Variants in FAM221B observed in about 807,000 individuals in gnomAD.
FAM221B encodes protein FAM221B.
Under a neutral mutation model 39.8 loss-of-function variants are expected in FAM221B, and 35 were observed. The ratio of observed to expected loss-of-function variants is 0.88; its 90% CI spans 0.67 to 1.17. The LOEUF is 1.17. Ranked by LOEUF, FAM221B falls within the 50% of genes most tolerant of loss-of-function variation. FAM221B has a pLI of 0.00. For synonymous variants in FAM221B, 158 were observed against 178.1 expected, an observed-to-expected ratio of 0.89 and a Z score of 0.90; for missense variants, 479 against 503.1, an observed-to-expected ratio of 0.95 and a Z score of 0.46.
At chr9:35,818,754 G>T in intron 6 of FAM221B, 136 bp downstream of exon 6, 1 of 1,205,888 alleles carries the variant, frequency 8.3e-7, no homozygotes, top group Non-Finnish European at 1.2e-6. Flanking sequence ...TGGGATGCAG[G>T]TAGGTGGGTG....
rs79293885 is a variant in FAM221B, at chr9:35,818,336, G to T, written c.*133C>A. The stretch of plus-strand genomic sequence containing the variant: ...GATGGAGGCAGATGGCCAGATCCAG[G>T]CTTTCTCCTGTGTCTAATAGGTGTC... On this transcript the variant is annotated 3_prime_UTR_variant, in exon 7 of 7. Transcript: ENST00000423537. The T allele has an allele frequency of 5.6e-5, 46 of 824,512 alleles. No individual in the cohort carries two copies. Among genetic ancestry groups the T allele is most frequent in the Non-Finnish European group, 8.9e-5 (45 of 504,360 alleles). The allele number at this position is 824,512 out of a possible 1,614,324, so 51.1% of individuals were successfully genotyped here.
intron 3 of FAM221B, among the ~76,000 whole-genome samples, chr9:35,823,639 G>C (rs1829202111): frequency 6.6e-6 from 1 of 152,014 alleles, no homozygotes; most frequent in Admixed American, 6.5e-5. Flanking sequence ...GTAGACAGGA[G>C]GTTCTGAGTA....
Position 35,828,332 on chromosome 9 carries a change from A to AACAACAACAACAACAACTACTACT in FAM221B, c.-1+130_-1+131insAGTAGTAGTTGTTGTTGTTGTTGT, listed in dbSNP as rs1471355172. The AACAACAACAACAACAACTACTACT allele has an allele frequency of 2.8e-5, 3 of 108,946 alleles. No individual in the cohort carries two copies. The highest frequency in any genetic ancestry group is 1.0e-4 in the African/African-American group (3 of 28,970). 6.7% of individuals were successfully genotyped at this position (108,946 alleles called of 1,614,324 possible). ...CAACAACAACAACAACAACAACAAC[A>AACAACAACAACAACAACTACTACT]ACTACTACTACTACTACTACTACTA... On this transcript the variant is annotated intron_variant, in intron 1 of 6. Transcript: ENST00000423537. This position sits in a 1 kb window ranked among gnomAD's most constrained non-coding sequence, Gnocchi z 4.5.
At position 35,819,351 on chromosome 9, in the gene FAM221B, C is replaced by T. The variant is rs1246591591; in HGVS notation, c.897G>A (p.Met299Ile). 3 of 1,551,750 alleles carry T rather than the reference C, an allele frequency of 1.9e-6. No homozygotes were observed. The highest frequency in any genetic ancestry group is 2.6e-6 in the Non-Finnish European group (3 of 1,146,998). Reference protein sequence around the residue: ...PCKVSQCRCFMFCFIPSRPEE... With the variant: ...PCKVSQCRCFIFCFIPSRPEE... ...CTGGGCGTGATGGGATAAAGCAGAA[C>T]ATGAAGCAGCGGCACTGGCTTACCT... The change falls in exon 5 of 7, where the codon ATG becomes ATA. Residue 299 changes from methionine to isoleucine, a missense_variant. Physicochemically the swap from Met to Ile is conservative, Grantham distance 10 (BLOSUM62 1). Coordinates refer to ENST00000423537, the MANE Select transcript of FAM221B (RefSeq NM_001012446.4).
chr9:35,818,266 T>C lies in FAM221B; in HGVS notation c.*203A>G, dbSNP rs1026442546. The C allele has an allele frequency of 1.7e-6, 1 of 591,144 alleles. No individual in the cohort carries two copies. Among genetic ancestry groups the C allele is most frequent in the Non-Finnish European group, 3.0e-6 (1 of 330,068 alleles). 36.6% of individuals were successfully genotyped at this position (591,144 alleles called of 1,614,324 possible). On this transcript the variant is annotated 3_prime_UTR_variant, in exon 7 of 7. Coordinates refer to ENST00000423537, the MANE Select transcript of FAM221B (RefSeq NM_001012446.4). Reference sequence around the variant, plus strand: ...CTTGAAACTTCCTCCCTTCTTGACTTCCTTGAAGCCACTTTCCTTCAACAG... The same window carrying C: ...CTTGAAACTTCCTCCCTTCTTGACTCCCTTGAAGCCACTTTCCTTCAACAG...
chr9:35,824,042 G>A (rs372577887), intron 3 of FAM221B, among the ~76,000 whole-genome samples: 9 of 151,452 alleles, frequency 5.9e-5, no homozygotes, highest in Non-Finnish European at 8.8e-5. Flanking sequence ...GAGGGCAAGG[G>A]TGGGGAGGTG....
chr9:35,821,526 GC>G (rs897033613), intron 3 of FAM221B: 73 of 1,367,884 alleles, frequency 5.3e-5, no homozygotes, highest in Non-Finnish European at 7.1e-5. Context: ...TAGTGCCAGT[GC>G]CCCCTTACAC....
intron 3 of FAM221B, among the ~76,000 whole-genome samples, chr9:35,822,517 C>A (rs1213373140): frequency 6.6e-6 from 1 of 152,172 alleles, no homozygotes; most frequent in Non-Finnish European, 1.5e-5. Context: ...AAGCAATTCT[C>A]CTGCCTCAGC....
intron 3 of FAM221B, chr9:35,821,608 T>A (rs759375265): frequency 1.5e-6 from 2 of 1,367,658 alleles, no homozygotes; most frequent in Non-Finnish European, 2.0e-6. Flanking sequence ...AGGATTCCAC[T>A]AGAGGAGTTC....
chr9:35,825,925 G>T lies in FAM221B; in HGVS notation c.237C>A (p.Ser79=). The change falls in exon 2 of 7, where the codon TCC becomes TCA. Residue 79 remains serine, a synonymous_variant. Transcript: ENST00000423537. The surrounding 1 kb of genome is among the most constrained non-coding windows in gnomAD (Gnocchi z 4.2). ...GGGTCTCTGAAGGAGTCTCAGAGAT[G>T]GAAGGCTCCTGATGGGTTTCAGGGG... ...AHSPETHQEP[S]ISETPSETPT... is the part of the protein sequence containing the mutation. 6.2e-7 allele frequency: 1 copy of T among 1,614,062 alleles called. No individual in the cohort carries two copies. The highest frequency in any genetic ancestry group is 1.3e-5 in the African/African-American group (1 of 75,006).
Position 35,828,694 on chromosome 9 carries a change from G to A in FAM221B, c.-232C>T, listed in dbSNP as rs1829538170. On this transcript the variant is annotated 5_prime_UTR_variant, in exon 1 of 7. Transcript: ENST00000423537. The surrounding 1 kb of genome is among the most constrained non-coding windows in gnomAD (Gnocchi z 4.5). ...TGGCATGACCTGGGGAAGTGGGTAG[G>A]GACAAGGGGTCTAGGGCCAATGAGG... The A allele has an allele frequency of 1.0e-6, 1 of 985,380 alleles. No homozygotes were observed. The highest frequency in any genetic ancestry group is 1.7e-5 in the African/African-American group (1 of 57,224). 61.0% of individuals were successfully genotyped at this position (985,380 alleles called of 1,614,324 possible). A position where few individuals can be genotyped will look rare whatever the true frequency, so the allele number is the denominator to read the frequency against.
chr9:35,821,620 G>A (rs752526893), intron 3 of FAM221B: 9 of 1,367,340 alleles, frequency 6.6e-6, no homozygotes, highest in East Asian at 4.5e-5. Flanking sequence ...GAGGAGTTCC[G>A]AATTCTGTCT....
rs185529421 is a variant in FAM221B, at chr9:35,828,215, C to T, written c.-1+248G>A. The stretch of plus-strand genomic sequence containing the variant: ...GCTGAAGCAAGCAAATCACTTGAAC[C>T]TGGGAGGCGGAGGTTGCAGTGAGCC... On this transcript the variant is annotated intron_variant, in intron 1 of 6. Transcript: ENST00000423537. The surrounding 1 kb of genome is among the most constrained non-coding windows in gnomAD (Gnocchi z 4.5). Among the ~76,000 whole-genome samples, 1 of 152,132 alleles carries T rather than the reference C, an allele frequency of 6.6e-6. No homozygotes were observed. The highest frequency in any genetic ancestry group is 1.9e-4 in the East Asian group (1 of 5,170).
At chr9:35,822,904 T>C (rs142736838) in intron 3 of FAM221B, among the ~76,000 whole-genome samples, 105 of 152,386 alleles carry the variant, frequency 6.9e-4, no homozygotes, top group Middle Eastern at 3.4e-3. Flanking sequence ...GTTCATGTTA[T>C]TGTCCTACTT....
At chr9:35,819,721 T>G (rs1342255527) in intron 4 of FAM221B, among the ~76,000 whole-genome samples, 169 bp downstream of exon 4, 1 of 149,558 alleles carries the variant, frequency 6.7e-6, no homozygotes, top group Non-Finnish European at 1.5e-5. Context: ...TTAGCCAGGA[T>G]GGTCTCGATC....
At chr9:35,820,222 C>T (rs1369382662) in intron 3 of FAM221B, among the ~76,000 whole-genome samples, 1 of 152,098 alleles carries the variant, frequency 6.6e-6, no homozygotes, top group Non-Finnish European at 1.5e-5. Context: ...CTCTTCCTAC[C>T]CAGGATCTAC....
rs1250634360 is a variant in FAM221B at position 35,817,058 on chromosome 9, C to A, written c.*1411G>T. ...TGAAATTAGTTATTTCTTTGGTTCT[C>A]ATAGAAAGTAGGCAACACAGAGGTT... On this transcript the variant is annotated 3_prime_UTR_variant, in exon 7 of 7. Coordinates refer to ENST00000423537, the MANE Select transcript of FAM221B (RefSeq NM_001012446.4). 1 of 152,204 alleles carries A rather than the reference C, an allele frequency of 6.6e-6. No homozygotes were observed. The highest frequency in any genetic ancestry group is 2.4e-5 in the African/African-American group (1 of 41,442). The allele number at this position is 152,204 out of a possible 1,614,324, so 9.4% of individuals were successfully genotyped here. A position where few individuals can be genotyped will look rare whatever the true frequency, so the allele number is the denominator to read the frequency against.
intron 1 of FAM221B, among the ~76,000 whole-genome samples, chr9:35,826,588 C>G (rs868254508): frequency 6.6e-6 from 1 of 152,142 alleles, no homozygotes; most frequent in Non-Finnish European, 1.5e-5. Context: ...GGGTTGGCTC[C>G]TGAGAGTGCA....
Position 35,825,330 on chromosome 9 carries a change from C to T in FAM221B, c.642G>A (p.Leu214=), listed in dbSNP as rs573007083. The T allele has an allele frequency of 6.2e-7, 1 of 1,614,132 alleles. No homozygotes were observed. The highest frequency in any genetic ancestry group is 8.5e-7 in the Non-Finnish European group (1 of 1,180,050). ...RPVFPARQTE[L]VEVAKAMHRE... The stretch of plus-strand genomic sequence containing the variant: ...TATGCATTGCCTTAGCCACTTCCAC[C>T]AGCTCTGTCTGCCTAGCAGGGAACA... Residue 214 remains leucine (L), a synonymous_variant, in exon 3 of 7, where the codon CTG becomes CTA. Transcript: ENST00000423537. This position sits in a 1 kb window ranked among gnomAD's most constrained non-coding sequence, Gnocchi z 4.2.
Sources: gnomAD v4.1 joint callset for allele counts (sites outside exome capture counted in the v4.1 genomes callset) on GRCh38, gnomAD v4.1.1 for gene constraint, Gnocchi (gnomAD v3.1) non-coding constraint, MANE v1.5 for transcripts, NCBI Gene and HGNC (gene_info 2026-07-23, HGNC 2026-07-21) for gene names.